Variants in RSAD2 observed in about 807,000 individuals in gnomAD.
RSAD2 encodes the protein radical S-adenosyl methionine domain containing 2.
In RSAD2, 38 loss-of-function variants were observed where a neutral mutation model predicts 37.7. The observed-to-expected ratio is 1.01, with a 90% CI of 0.78 to 1.32. RSAD2 has a LOEUF of 1.32. RSAD2 is among the 40% of genes most tolerant of loss of function. The probability of loss-of-function intolerance (pLI) is 0.00; values close to 1 mark genes in which losing one functional copy is unlikely to be tolerated. For missense variants in RSAD2, 428 were observed against 437.5 expected (o/e 0.98, Z 0.19); for synonymous variants, 163 against 157.4 (o/e 1.04, Z -0.27).
rs148997887 is a variant in RSAD2 at position 6,866,075 on chromosome 2, G to A, written c.142+30G>A. On this transcript the variant is annotated intron_variant, in intron 1 of 5. Coordinates refer to the RSAD2 transcript ENST00000442639. Reference sequence around the variant, plus strand: ...CTCCGTGTGCGTTCTGCGGGTGGCTGGCGGCCCCGACCCTGGTTTGAGTTC... The same window carrying A: ...CTCCGTGTGCGTTCTGCGGGTGGCTAGCGGCCCCGACCCTGGTTTGAGTTC... The A allele has an allele frequency of 1.1e-3, 287 of 268,470 alleles. 1 individual carries two copies. The highest frequency in any genetic ancestry group is 5.1e-3 in the African/African-American group (221 of 43,566). 16.6% of individuals were successfully genotyped at this position (268,470 alleles called of 1,614,324 possible). A position where few individuals can be genotyped will look rare whatever the true frequency, so the allele number is the denominator to read the frequency against.
chr2:6,869,877 C>T (rs1477142329), intron 1 of RSAD2, among the ~76,000 whole-genome samples: 1 of 152,170 alleles, frequency 6.6e-6, no homozygotes, highest in East Asian at 1.9e-4. Context: ...GACTAGAGGT[C>T]ACACGAGTAC....
chr2:6,882,399 G>T (rs1663422990), intron 1 of RSAD2, among the ~76,000 whole-genome samples: 1 of 151,156 alleles, frequency 6.6e-6, no homozygotes, highest in African/African-American at 2.4e-5. Flanking sequence ...GAAAAATGGG[G>T]TTTCTAAAAT....
chr2:6,894,363 CAT>C (rs1663695990), intron 5 of RSAD2, among the ~76,000 whole-genome samples: 1 of 152,082 alleles, frequency 6.6e-6, no homozygotes, highest in African/African-American at 2.4e-5. Flanking sequence ...CATTTGAAGA[CAT>C]ATTTTAAAGA....
intron 5 of RSAD2, among the ~76,000 whole-genome samples, chr2:6,894,449 T>C (rs1166534497): frequency 6.6e-6 from 1 of 152,170 alleles, no homozygotes; most frequent in African/African-American, 2.4e-5. Flanking sequence ...CTGTCACTTT[T>C]GATGTTTGCT....
chr2:6,881,171 A>G (rs918678700), intron 1 of RSAD2, among the ~76,000 whole-genome samples: 1 of 152,168 alleles, frequency 6.6e-6, no homozygotes, highest in Admixed American at 6.5e-5. Flanking sequence ...ATCTGCCACT[A>G]TATCACATCA....
At chr2:6,881,046 C>T (rs1343320470) in intron 1 of RSAD2, among the ~76,000 whole-genome samples, 1 of 152,014 alleles carries the variant, frequency 6.6e-6, no homozygotes, top group African/African-American at 2.4e-5. Flanking sequence ...TTAATTATGC[C>T]TCTAAATTCT....
Position 6,893,671 on chromosome 2 carries a change from A to G in RSAD2, c.889A>G (p.Met297Val), listed in dbSNP as rs1663676338. Residue 297 changes from methionine (M) to valine (V), a missense_variant and splice_region_variant, in exon 5 of 6, where the codon ATG (methionine) becomes GTG (valine). Met to Val is a conservative substitution (Grantham distance 21, BLOSUM62 1). Transcript: ENST00000382040. ...ATTTGTATTAACTTCTCCTTTGCAG[A>G]TGAAAGACTCCTACCTTATTCTGGA... is the stretch of plus-strand genomic sequence containing the variant. Reference protein sequence around the residue: ...SCLVPESNQKMKDSYLILDEY... With the variant: ...SCLVPESNQKVKDSYLILDEY... 2.5e-6 allele frequency: 4 copies of G among 1,607,702 alleles called. No individual in the cohort carries two copies. The highest frequency in any genetic ancestry group is 3.4e-6 in the Non-Finnish European group (4 of 1,174,282).
intron 1 of RSAD2, among the ~76,000 whole-genome samples, chr2:6,871,329 GT>G (rs1269791309): frequency 2.6e-5 from 4 of 151,970 alleles, no homozygotes; most frequent in Non-Finnish European, 4.4e-5. Context: ...CCTCTTTCAG[GT>G]TTTCACCTAG....
At chr2:6,875,966 C>G (rs182464557), upstream of RSAD2, among the ~76,000 whole-genome samples, 1 of 152,186 alleles carries the variant, frequency 6.6e-6, no homozygotes, top group Non-Finnish European at 1.5e-5. Flanking sequence ...ATTGCCTGCT[C>G]TACCACCCAG....
At chr2:6,890,995 A>T (rs1019671152) in intron 4 of RSAD2, among the ~76,000 whole-genome samples, 1 of 152,154 alleles carries the variant, frequency 6.6e-6, no homozygotes, top group Non-Finnish European at 1.5e-5. Context: ...TACAAACTTT[A>T]AAAAAATTAT....
At chr2:6,875,400 C>T (rs556928600), upstream of RSAD2, among the ~76,000 whole-genome samples, 121 of 152,274 alleles carry the variant, frequency 7.9e-4, no homozygotes, top group Non-Finnish European at 1.5e-3. Flanking sequence ...CTCATCAGAG[C>T]TCTGGTCAAC....
rs564496636 is a variant in RSAD2 at position 6,879,062 on chromosome 2, T to C, written c.346+916T>C. ...CCCTGGTAAGCACTTGCTGGACTTC[T>C]AACACACAGATTCATTTTGCCTGAT... On this transcript the variant is annotated intron_variant, in intron 1 of 5. Coordinates refer to ENST00000382040, the MANE Select transcript of RSAD2 (RefSeq NM_080657.5). The C allele has an allele frequency of 8.3e-5, 38 of 456,288 alleles. 1 individual carries two copies. Among genetic ancestry groups the C allele is most frequent in the Middle Eastern group, 6.5e-4 (2 of 3,072 alleles). 28.3% of individuals were successfully genotyped at this position (456,288 alleles called of 1,614,324 possible). A position where few individuals can be genotyped will look rare whatever the true frequency, so the allele number is the denominator to read the frequency against.
rs1332941008 is a variant in RSAD2 at position 6,890,310 on chromosome 2, T to C, written c.873T>C (p.Pro291=). 1 of 1,614,116 alleles carries C rather than the reference T, an allele frequency of 6.2e-7. No homozygotes were observed. The highest frequency in any genetic ancestry group is 1.7e-5 in the Admixed American group (1 of 60,022). The change falls in exon 4 of 6, where the codon CCT becomes CCC. Residue 291 remains proline, a synonymous_variant. Coordinates refer to ENST00000382040, the MANE Select transcript of RSAD2 (RefSeq NM_080657.5). ...ACAAAGAAGTGTCCTGCTTGGTGCC[T>C]GAATCTAACCAGAAGGTTGTATAAA... The part of the protein sequence containing the change: ...ERHKEVSCLV[P]ESNQKMKDSY...
At chr2:6,878,901 C>A in intron 1 of RSAD2, 2 of 1,118,192 alleles carry the variant, frequency 1.8e-6, no homozygotes, top group Non-Finnish European at 2.4e-6. Context: ...GCATAGCATA[C>A]ATGCACCAGA....
Position 6,882,065 on chromosome 2 carries a change from G to A in RSAD2, c.347-1306G>A, listed in dbSNP as rs73156059. On this transcript the variant is annotated intron_variant, in intron 1 of 5. Transcript: ENST00000382040. Reference sequence around the variant, plus strand: ...CCCAGAGTAAAGACCAAGGATATTAGCAATTGGAGGTTTTCCTATGAATAA... The same window carrying A: ...CCCAGAGTAAAGACCAAGGATATTAACAATTGGAGGTTTTCCTATGAATAA... Among the ~76,000 whole-genome samples, 537 of 152,320 alleles carry A rather than the reference G, an allele frequency of 3.5e-3. 7 individuals carry two copies. Among genetic ancestry groups the A allele is most frequent in the African/African-American group, 0.013 (521 of 41,554 alleles).
intron 2 of RSAD2, among the ~76,000 whole-genome samples, chr2:6,886,485 G>A (rs927279913): frequency 2.0e-5 from 3 of 152,236 alleles, no homozygotes; most frequent in African/African-American, 2.4e-5. Context: ...ATGTCCAGAA[G>A]AAGCGGATGA....
In RSAD2 at chr2:6,896,227, C is replaced by A; in HGVS notation, c.*285C>A. 3.4e-6 allele frequency: 1 copy of A among 293,660 alleles called. No individual in the cohort carries two copies. The highest frequency in any genetic ancestry group is 5.9e-5 in the East Asian group (1 of 16,832). The allele number at this position is 293,660 out of a possible 1,614,324, so 18.2% of individuals were successfully genotyped here. On this transcript the variant is annotated 3_prime_UTR_variant, in exon 6 of 6. Coordinates refer to ENST00000382040, the MANE Select transcript of RSAD2 (RefSeq NM_080657.5). ...GTTTTAGCTAAAAAGAAGGAATACA[C>A]ACAGGAATAATGACCCCAAAAATGC...
intron 2 of RSAD2, among the ~76,000 whole-genome samples, chr2:6,884,508 A>G (rs1663476854): frequency 6.6e-6 from 1 of 152,186 alleles, no homozygotes; most frequent in Admixed American, 6.5e-5. Context: ...AAGCAGTGTG[A>G]TGGAGACCAA....
At chr2:6,877,163 T>A (rs150019597), upstream of RSAD2, 1 of 152,240 alleles carries the variant, frequency 6.6e-6, no homozygotes, top group Admixed American at 6.5e-5. Flanking sequence ...TAAAAAGTGA[T>A]ATCAAAATAT....
Sources: allele counts gnomAD v4.1 joint callset (sites outside exome capture counted in the v4.1 genomes callset), GRCh38; gene constraint gnomAD v4.1.1; transcripts MANE v1.5; gene names NCBI Gene and HGNC (gene_info 2026-07-23, HGNC 2026-07-21).